The following ZC3H14 variants were observed in gnomAD, a reference collection of about 807,000 sequenced individuals.
The protein encoded by ZC3H14 is zinc finger CCCH domain-containing protein 14.
In ZC3H14, 31 loss-of-function variants were observed where a neutral mutation model predicts 92.4. That is an observed-to-expected ratio of 0.34 (90% CI 0.25 to 0.45). The LOEUF is 0.45. Among genes scored for constraint, ZC3H14 ranks in the 20% least tolerant of loss-of-function variants. ZC3H14 has a pLI of 1.00. For synonymous variants in ZC3H14, 321 were observed against 300.9 expected, an observed-to-expected ratio of 1.07 and a Z score of -0.69; for missense variants, 781 against 897.3, an observed-to-expected ratio of 0.87 and a Z score of 1.66.
intron 15 of ZC3H14, among the ~76,000 whole-genome samples, 190 bp from the exon 16 acceptor site, chr14:88,610,644 T>C (rs1306635985): frequency 1.6e-4 from 2 of 12,578 alleles, no homozygotes; most frequent in Non-Finnish European, 7.2e-4. Flanking sequence ...ACCCCATCTC[T>C]TAAAAAAAAA....
rs866954096 is a variant in ZC3H14, at chr14:88,572,925, T to C, written c.779T>C (p.Leu260Ser). 6.2e-7 allele frequency: 1 copy of C among 1,614,190 alleles called. No individual in the cohort carries two copies. The highest frequency in any genetic ancestry group is 1.7e-5 in the Admixed American group (1 of 60,020). The part of the protein sequence containing the change: ...QSSWVYETGR[L>S]CEPEVLNSLE... ...AGTTGGGTATATGAAACAGGACGTT[T>C]GTGTGAACCAGAGGTGCTTAACAGC... Residue 260 changes from leucine to serine, a missense_variant, in exon 6 of 17, where the codon TTG becomes TCG. This residue lies in a region of ZC3H14 where 454 missense variants were observed against 438.5 expected (regional missense o/e 1.04). Transcript: ENST00000251038.
rs569041136 is a variant in ZC3H14 at position 88,593,070 on chromosome 14, C to T, written c.1280-3664C>T. Among the ~76,000 whole-genome samples, 130 of 149,504 alleles carry T rather than the reference C, an allele frequency of 8.7e-4. 2 individuals carry two copies. Among genetic ancestry groups the T allele is most frequent in the African/African-American group, 3.1e-3 (126 of 40,682 alleles). On this transcript the variant is annotated intron_variant, in intron 9 of 16. Transcript: ENST00000251038. ...TCAGTCTCTGCCTCCCGGGTTCAAG[C>T]GATTCTCCTGCCTCAGCCTCCTGAG...
intron 9 of ZC3H14, among the ~76,000 whole-genome samples, chr14:88,588,913 CT>C (rs1451590426): frequency 2.0e-5 from 3 of 152,062 alleles, no homozygotes; most frequent in Non-Finnish European, 4.4e-5. Context: ...TTTCCACAAA[CT>C]TTTTCTTGTT....
chr14:88,563,071 C>A lies in ZC3H14; in HGVS notation c.-63C>A. 2 of 1,542,084 alleles carry A rather than the reference C, an allele frequency of 1.3e-6. No homozygotes were observed. Among genetic ancestry groups the A allele is most frequent in the Non-Finnish European group, 1.7e-6 (2 of 1,150,456 alleles). ...GGTGTCCCGGCTGCGGGGTAGGAGT[C>A]CGCGGCAGCCTCCGGGTAAGCCAAG... On this transcript the variant is annotated 5_prime_UTR_variant, in exon 1 of 17. Transcript: ENST00000251038.
At chr14:88,579,092 T>G (rs944764672) in intron 9 of ZC3H14, among the ~76,000 whole-genome samples, 8 of 152,194 alleles carry the variant, frequency 5.3e-5, no homozygotes, top group African/African-American at 1.9e-4. Context: ...ACCAAAAAAA[T>G]CTATATGCTT....
At chr14:88,583,784 T>G (rs1840486402) in intron 9 of ZC3H14, among the ~76,000 whole-genome samples, 1 of 152,218 alleles carries the variant, frequency 6.6e-6, no homozygotes, top group African/African-American at 2.4e-5. Flanking sequence ...AGTGGACTAA[T>G]TATTGGATGG....
At chr14:88,570,144 C>A (rs1291513107) in intron 3 of ZC3H14, among the ~76,000 whole-genome samples, 1 of 152,176 alleles carries the variant, frequency 6.6e-6, no homozygotes, top group Non-Finnish European at 1.5e-5. Context: ...AAATTGAGTT[C>A]TTTAACATGT....
In ZC3H14 at chr14:88,613,203, A is replaced by C. The variant is rs528282669; in HGVS notation, c.*1452A>C. The C allele has an allele frequency of 6.6e-6, 1 of 152,206 alleles. No homozygotes were observed. The highest frequency in any genetic ancestry group is 1.5e-5 in the Non-Finnish European group (1 of 68,044). 9.4% of individuals were successfully genotyped at this position (152,206 alleles called of 1,614,324 possible). On this transcript the variant is annotated 3_prime_UTR_variant, in exon 17 of 17. Coordinates refer to ENST00000251038, the MANE Select transcript of ZC3H14 (RefSeq NM_024824.5). ...AGGAAAGGCTTGAAACACGAGAAGC[A>C]GCAAAGACAGAGCACACAAGTGCAT... is the stretch of plus-strand genomic sequence containing the variant.
At position 88,615,570 on chromosome 14, in the gene ZC3H14, C is replaced by T; in HGVS notation, c.*3819C>T. The T allele has an allele frequency of 4.6e-6, 2 of 434,422 alleles. No homozygotes were observed. Among genetic ancestry groups the T allele is most frequent in the Non-Finnish European group, 8.1e-6 (2 of 246,942 alleles). The allele number at this position is 434,422 out of a possible 1,614,324, so 26.9% of individuals were successfully genotyped here. ...ACTTCCCAATACAGGGGGACTTGGC[C>T]TTTACCATCAAGTATTCGATCCTTC... On this transcript the variant is annotated 3_prime_UTR_variant, in exon 17 of 17. Transcript: ENST00000251038.
Position 88,627,024 on chromosome 14 carries a change from A to C in ZC3H14, c.*15273A>C. On this transcript the variant is annotated 3_prime_UTR_variant, in exon 17 of 17. Transcript: ENST00000251038. The stretch of plus-strand genomic sequence containing the variant: ...CCACAAAAATACGTTGATTGTGACC[A>C]GCTCTGCTGGCAATTTTGGCACCTG... 6.2e-7 allele frequency: 1 copy of C among 1,613,976 alleles called. No homozygotes were observed. Among genetic ancestry groups the C allele is most frequent in the Non-Finnish European group, 8.5e-7 (1 of 1,179,864 alleles).
chr14:88,563,468 G>C (rs1312508495), intron 1 of ZC3H14, 183 bp from the exon 2 acceptor site: 18 of 1,461,956 alleles, frequency 1.2e-5, no homozygotes. Context: ...GGGCGCCGCG[G>C]GGCTGGGGCT....
At chr14:88,594,720 C>G in intron 9 of ZC3H14, 1 of 1,613,916 alleles carries the variant, frequency 6.2e-7, no homozygotes. Flanking sequence ...AGGTTCCTGT[C>G]ACCTTTATGA....
intron 2 of ZC3H14, among the ~76,000 whole-genome samples, chr14:88,567,476 A>C (rs1431015671): frequency 2.7e-5 from 4 of 149,134 alleles, no homozygotes; most frequent in African/African-American, 9.9e-5. Context: ...TAGGATTACC[A>C]CTGTGAGGGT....
At chr14:88,570,457 C>T (rs1031905925) in intron 3 of ZC3H14, among the ~76,000 whole-genome samples, 8 of 152,158 alleles carry the variant, frequency 5.3e-5, no homozygotes, top group African/African-American at 1.9e-4. Context: ...AATGATATAG[C>T]ATAGTTTGAG....
rs201557770 is a variant in ZC3H14 at position 88,616,111 on chromosome 14, C to T, written c.*4360C>T. On this transcript the variant is annotated 3_prime_UTR_variant, in exon 17 of 17. Transcript: ENST00000251038. ...TAAGTCTCTTAACTAGTAACATAGTCTGCTCTTCATGGGCTGAGAAAGTTA... is the reference window on the plus strand; with the variant it reads ...TAAGTCTCTTAACTAGTAACATAGTTTGCTCTTCATGGGCTGAGAAAGTTA... 1,328 of 1,604,792 alleles carry T rather than the reference C, an allele frequency of 8.3e-4. 13 individuals carry two copies. The South Asian group carries it at 9.0e-3, about 11-fold the overall frequency.
chr14:88,586,365 C>G (rs996201703), intron 9 of ZC3H14, among the ~76,000 whole-genome samples: 4 of 152,122 alleles, frequency 2.6e-5, no homozygotes, highest in Non-Finnish European at 4.4e-5. Context: ...TGAAACATGT[C>G]TGTTGGCAAT....
In ZC3H14 at chr14:88,578,128, G is replaced by GA. The variant is rs1282520568; in HGVS notation, c.1274dup (p.Asn425LysfsTer31). 1.2e-6 allele frequency: 2 copies of GA among 1,613,748 alleles called. No individual in the cohort carries two copies. Among genetic ancestry groups the GA allele is most frequent in the Non-Finnish European group, 1.7e-6 (2 of 1,179,898 alleles). On this transcript the variant is annotated frameshift_variant, in exon 9 of 17. Coordinates refer to ENST00000251038, the MANE Select transcript of ZC3H14 (RefSeq NM_024824.5). LOFTEE classifies it high-confidence loss of function. ...AGAGGAAACAAAAGGAGATTCTGTAGAAAAAAATCAAGGTAATAACTTAAA... is the reference window on the plus strand; with the variant it reads ...AGAGGAAACAAAAGGAGATTCTGTAGAAAAAAAATCAAGGTAATAACTTAAA...
chr14:88,601,049 G>T (rs756693014), intron 10 of ZC3H14, among the ~76,000 whole-genome samples: 2 of 151,960 alleles, frequency 1.3e-5, no homozygotes, highest in Non-Finnish European at 2.9e-5. Flanking sequence ...TAAGCTTTTC[G>T]TTGGTTCTTG....
intron 3 of ZC3H14, among the ~76,000 whole-genome samples, chr14:88,570,775 G>A: frequency 6.6e-6 from 1 of 152,116 alleles, no homozygotes; most frequent in Admixed American, 6.5e-5. Flanking sequence ...TTTTAAAAAT[G>A]TGAAGTTTGA....
Sources: allele counts gnomAD v4.1 joint callset (sites outside exome capture counted in the v4.1 genomes callset), GRCh38; gene constraint gnomAD v4.1.1; regional missense constraint gnomAD v4.1.1; transcripts MANE v1.5; gene names NCBI Gene and HGNC (gene_info 2026-07-23, HGNC 2026-07-21).